Variants in PARP14 observed in about 807,000 individuals in gnomAD.
PARP14 encodes the protein poly(ADP-ribose) polymerase family member 14, also known as protein mono-ADP-ribosyltransferase PARP14.
PARP14 carries 59 observed loss-of-function variants against 154.2 expected under a neutral mutation model. That is an observed-to-expected ratio of 0.38 (90% CI 0.31 to 0.48). The LOEUF (loss-of-function observed/expected upper bound fraction) is 0.48, where lower values mean the gene tolerates loss of function less well. Among genes scored for constraint, PARP14 ranks in the 20% least tolerant of loss-of-function variants. The pLI, the probability that PARP14 is intolerant of heterozygous loss-of-function variation, is 0.98. For missense variants in PARP14, 1,734 were observed against 2,131.6 expected, an observed-to-expected ratio of 0.81 and a Z score of 3.67; for synonymous variants, 720 against 780.5, an observed-to-expected ratio of 0.92 and a Z score of 1.29.
At chr3:122,722,733 A>G (rs1933191014) in intron 15 of PARP14, 1 of 152,066 alleles carries the variant, frequency 6.6e-6, no homozygotes, top group Non-Finnish European at 1.5e-5. Context: ...TAAGCCTTCC[A>G]CTTAGATTCA....
chr3:122,693,183 C>T (rs1398567485), intron 4 of PARP14, among the ~76,000 whole-genome samples: 1 of 152,192 alleles, frequency 6.6e-6, no homozygotes, highest in Non-Finnish European at 1.5e-5. Flanking sequence ...ATGTCCTTAG[C>T]ACTTTCATGG....
At chr3:122,686,485 G>A (rs541160370) in intron 2 of PARP14, among the ~76,000 whole-genome samples, 22 of 151,964 alleles carry the variant, frequency 1.4e-4, no homozygotes, top group Middle Eastern at 3.4e-3. Flanking sequence ...TTTAGAGACT[G>A]CTTTCATCTG....
intron 12 of PARP14, among the ~76,000 whole-genome samples, chr3:122,715,664 ATCTATC>A (rs1361171491): frequency 1.3e-5 from 2 of 151,000 alleles, no homozygotes; most frequent in Non-Finnish European, 3.0e-5. Flanking sequence ...CGATCTGTCT[ATCTATC>A]TCTATCATCT....
rs1939058656 is a variant in PARP14 at position 122,703,751 on chromosome 3, G to A, written c.3091G>A (p.Val1031Ile). The change falls in exon 7 of 17, where the codon GTT (valine) becomes ATT (isoleucine). Residue 1031 changes from valine (V) to isoleucine (I), a missense_variant. Physicochemically the swap from Val to Ile is conservative, Grantham distance 29. Around this residue, in one of 2 missense-constraint regions of PARP14, gnomAD observed 1,646 missense variants for 1,976.0 expected, o/e 0.83. Transcript: ENST00000474629. ...TGGTTTTGTCTTTAAGACCGATGTT[G>A]TTGTCAACTCCGTTCCCTTGGATCT... ...EGVQNAKTDV[V>I]VNSVPLDLVL... 1.3e-6 allele frequency: 2 copies of A among 1,588,582 alleles called. No homozygotes were observed. The highest frequency in any genetic ancestry group is 1.7e-6 in the Non-Finnish European group (2 of 1,167,558).
Position 122,681,176 on chromosome 3 carries a change from T to G in PARP14, c.187+106T>G. 1 of 277,682 alleles carries G rather than the reference T, an allele frequency of 3.6e-6. No individual in the cohort carries two copies. The highest frequency in any genetic ancestry group is 6.8e-6 in the Non-Finnish European group (1 of 147,522). 17.2% of individuals were successfully genotyped at this position (277,682 alleles called of 1,614,324 possible). On this transcript the variant is annotated intron_variant, in intron 1 of 16. Coordinates refer to ENST00000474629, the MANE Select transcript of PARP14 (RefSeq NM_017554.3). The surrounding 1 kb of genome is among the most constrained non-coding windows in gnomAD (Gnocchi z 5.5). ...GGGTGACCCGCCCGACTTCGGCGGC[T>G]GCTGTAGCGGAGGTGGCCGGGGCGG...
intron 3 of PARP14, among the ~76,000 whole-genome samples, chr3:122,688,261 G>A (rs983830386): frequency 6.6e-6 from 1 of 152,098 alleles, no homozygotes; most frequent in Non-Finnish European, 1.5e-5. Context: ...GGTTTTATAT[G>A]TGCATATTTA....
Position 122,718,836 on chromosome 3 carries a change from A to G in PARP14, c.4685A>G (p.Glu1562Gly), listed in dbSNP as rs769836782. The change falls in exon 14 of 17, where the codon GAA becomes GGA. Residue 1562 changes from glutamate (E) to glycine (G), a missense_variant. By Grantham distance (98) the Glu-to-Gly change is moderately conservative. Coordinates refer to ENST00000474629, the MANE Select transcript of PARP14 (RefSeq NM_017554.3). The stretch of plus-strand genomic sequence containing the variant: ...CTGAAATTAGAGGATGCAAGGAGAG[A>G]AAAGAAAAAAACAGTTGATGTCAAA... Reference protein sequence around the residue: ...TNLKLEDARREKKKTVDVKIN... With the variant: ...TNLKLEDARRGKKKTVDVKIN... The G allele has an allele frequency of 3.7e-6, 6 of 1,613,978 alleles. No individual in the cohort carries two copies. Among genetic ancestry groups the G allele is most frequent in the Non-Finnish European group, 5.1e-6 (6 of 1,179,858 alleles).
rs1176690289 is a variant in PARP14 at position 122,718,230 on chromosome 3, AAGGGACTCAG to A, written c.4161_4170del (p.Glu1387AspfsTer8). 7 of 1,613,560 alleles carry A rather than the reference AAGGGACTCAG, an allele frequency of 4.3e-6. No homozygotes were observed. The highest frequency in any genetic ancestry group is 5.9e-6 in the Non-Finnish European group (7 of 1,179,758). ...TTTTATGCCAACATGAAGAAAAGAG[AAGGGACTCAG>A]CTTTCTTCCCAACAGTCTGTGATGT... is the stretch of plus-strand genomic sequence containing the variant. On this transcript the variant is annotated frameshift_variant, in exon 13 of 17. Coordinates refer to ENST00000474629, the MANE Select transcript of PARP14 (RefSeq NM_017554.3). LOFTEE classifies it high-confidence loss of function.
intron 8 of PARP14, among the ~76,000 whole-genome samples, chr3:122,705,313 A>G (rs1939118939): frequency 6.6e-6 from 1 of 152,232 alleles, no homozygotes; most frequent in Non-Finnish European, 1.5e-5. Flanking sequence ...TCAGAATCCA[A>G]ATAAGGCCCA....
chr3:122,699,279 G>T, intron 5 of PARP14, 111 bp from the exon 6 acceptor site: 1 of 587,202 alleles, frequency 1.7e-6, no homozygotes, highest in Admixed American at 3.3e-5. Flanking sequence ...TTTCCTTTAA[G>T]TGTTAGAAAA....
chr3:122,720,621 CAT>C (rs1361106766), intron 15 of PARP14: 3 of 560,668 alleles, frequency 5.4e-6, no homozygotes, highest in African/African-American at 3.8e-5. Flanking sequence ...ACACTAAAGA[CAT>C]ATATTTACTT....
intron 15 of PARP14, among the ~76,000 whole-genome samples, chr3:122,724,624 A>T (rs1215015226): frequency 6.6e-6 from 1 of 151,516 alleles, no homozygotes; most frequent in Non-Finnish European, 1.5e-5. Flanking sequence ...TTTTCAATTA[A>T]AATTTAATGT....
At chr3:122,699,367 T>C in intron 5 of PARP14, 23 bp from the exon 6 acceptor site, 1 of 1,480,572 alleles carries the variant, frequency 6.8e-7, no homozygotes, top group South Asian at 1.2e-5. Flanking sequence ...GGGCTTACAT[T>C]ATTTTACTTC....
chr3:122,704,393 C>T, intron 7 of PARP14, 134 bp from the exon 8 acceptor site: 1 of 610,836 alleles, frequency 1.6e-6, no homozygotes, highest in Non-Finnish European at 2.9e-6. Context: ...TTTCTTTCCT[C>T]TTCTGATTGC....
At chr3:122,720,133 A>G in intron 14 of PARP14, 122 bp from the exon 15 acceptor site, 2 of 968,714 alleles carry the variant, frequency 2.1e-6, no homozygotes, top group Non-Finnish European at 1.5e-6. Flanking sequence ...GCGTTCTCCT[A>G]GAAAGATAAG....
intron 12 of PARP14, among the ~76,000 whole-genome samples, chr3:122,717,051 A>C (rs1933019804): frequency 6.6e-6 from 1 of 152,248 alleles, no homozygotes; most frequent in Non-Finnish European, 1.5e-5. Context: ...ACAGCTTTGC[A>C]AAAGAGAATT....
intron 14 of PARP14, among the ~76,000 whole-genome samples, 163 bp from the exon 15 acceptor site, chr3:122,720,092 T>C (rs1420645609): frequency 6.6e-6 from 1 of 152,238 alleles, no homozygotes; most frequent in African/African-American, 2.4e-5. Context: ...TTGGTTCTGA[T>C]GTAGGTTGTC....
Position 122,700,988 on chromosome 3 carries a change from G to A in PARP14, c.2434G>A (p.Ala812Thr). The A allele has an allele frequency of 6.2e-7, 1 of 1,614,002 alleles. No homozygotes were observed. Among genetic ancestry groups the A allele is most frequent in the Non-Finnish European group, 8.5e-7 (1 of 1,179,876 alleles). ...VVLIVQQGDL[A>T]RLPVDVVVNA... ...GCTGATTGTGCAGCAGGGTGACTTG[G>A]CACGGCTTCCTGTCGATGTGGTGGT... Residue 812 changes from alanine to threonine, a missense_variant, in exon 6 of 17, where the codon GCA becomes ACA. Physicochemically the swap from Ala to Thr is moderately conservative, Grantham distance 58. Around this residue, in one of 2 missense-constraint regions of PARP14, gnomAD observed 1,646 missense variants for 1,976.0 expected, o/e 0.83. Transcript: ENST00000474629.
Position 122,701,897 on chromosome 3 carries a change from A to G in PARP14, c.3081+262A>G, listed in dbSNP as rs1938990921. 1.3e-5 allele frequency among the ~76,000 whole-genome samples: 2 copies of G among 152,348 alleles called. No homozygotes were observed. Among genetic ancestry groups the G allele is most frequent in the African/African-American group, 4.8e-5 (2 of 41,586 alleles). On this transcript the variant is annotated intron_variant, in intron 6 of 16. Coordinates refer to ENST00000474629, the MANE Select transcript of PARP14 (RefSeq NM_017554.3). This position sits in a 1 kb window ranked among gnomAD's most constrained non-coding sequence, Gnocchi z 4.0. ...TTGCTAGATTTCCAGTAGATGTAAA[A>G]CTCCATAATATCACACGTTTAGACA...
Sources: allele counts gnomAD v4.1 joint callset (sites outside exome capture counted in the v4.1 genomes callset), GRCh38; gene constraint gnomAD v4.1.1; regional missense constraint gnomAD v4.1.1; non-coding constraint Gnocchi (gnomAD v3.1); transcripts MANE v1.5; gene names NCBI Gene and HGNC (gene_info 2026-07-23, HGNC 2026-07-21).